HMCN1: variants seen among roughly 807,000 people sequenced by gnomAD.
The protein encoded by HMCN1 is hemicentin 1, also known as hemicentin-1.
A neutral mutation model predicts 625.9 loss-of-function variants in HMCN1; 321 were observed. The observed-to-expected ratio is 0.51, with a 90% CI of 0.47 to 0.56. The LOEUF (loss-of-function observed/expected upper bound fraction) is 0.56. HMCN1 is among the 20% of genes least tolerant of loss of function. The probability of loss-of-function intolerance (pLI) is 0.00; values close to 1 mark genes in which losing one functional copy is unlikely to be tolerated. For missense variants in HMCN1, 6,588 were observed against 6,887.3 expected, an observed-to-expected ratio of 0.96 and a Z score of 1.54; for synonymous variants, 2,425 against 2,417.6, an observed-to-expected ratio of 1.00 and a Z score of -0.09.
Position 185,857,406 on chromosome 1 carries a change from T to C in HMCN1, c.340-7064T>C, listed in dbSNP as rs550258628. Among the ~76,000 whole-genome samples the C allele has an allele frequency of 2.6e-5, 4 of 152,314 alleles. No homozygotes were observed. The South Asian group carries it at 6.2e-4, about 24-fold the overall frequency. On this transcript the variant is annotated intron_variant, in intron 2 of 106. Coordinates refer to ENST00000271588, the MANE Select transcript of HMCN1 (RefSeq NM_031935.3). ...ACAAACTCAGACCCTTTCTAAAATG[T>C]ATTTAGGGAGCTGTCTAATTCTATG... is the stretch of plus-strand genomic sequence containing the variant.
chr1:186,033,339 C>T (rs1338972213), intron 36 of HMCN1, among the ~76,000 whole-genome samples: 1 of 152,104 alleles, frequency 6.6e-6, no homozygotes, highest in Non-Finnish European at 1.5e-5. Context: ...ATATTGGGTA[C>T]AGCATATACT....
At position 186,079,743 on chromosome 1, in the gene HMCN1, A is replaced by T. The variant is rs188619841; in HGVS notation, c.8600-1464A>T. Among the ~76,000 whole-genome samples the T allele has an allele frequency of 4.9e-3, 744 of 152,302 alleles. 8 individuals carry two copies. The highest frequency in any genetic ancestry group is 5.6e-3 in the Non-Finnish European group (379 of 68,030). Reference sequence around the variant, plus strand: ...TATGGGATTGGATGGTCAAGGGTAGATGTTCATGCCTCAGGCTGTTATTTT... The same window carrying T: ...TATGGGATTGGATGGTCAAGGGTAGTTGTTCATGCCTCAGGCTGTTATTTT... On this transcript the variant is annotated intron_variant, in intron 55 of 106. Coordinates refer to ENST00000271588, the MANE Select transcript of HMCN1 (RefSeq NM_031935.3).
chr1:185,820,388 C>T (rs1034926608), intron 1 of HMCN1, among the ~76,000 whole-genome samples: 5 of 152,008 alleles, frequency 3.3e-5, no homozygotes, highest in Non-Finnish European at 5.9e-5. Flanking sequence ...TTACCTAAGG[C>T]GTTCCTCATT....
At chr1:186,177,525 G>T (rs1652674354) in intron 103 of HMCN1, among the ~76,000 whole-genome samples, 1 of 152,128 alleles carries the variant, frequency 6.6e-6, no homozygotes, top group Non-Finnish European at 1.5e-5. Context: ...AAGGTCTTGG[G>T]CAGACAAGCA....
At chr1:185,782,650 TC>T (rs1420367786) in intron 1 of HMCN1, among the ~76,000 whole-genome samples, 1 of 152,232 alleles carries the variant, frequency 6.6e-6, no homozygotes, top group East Asian at 1.9e-4. Flanking sequence ...AAAATTCTTT[TC>T]TTTAAGAATG....
intron 14 of HMCN1, among the ~76,000 whole-genome samples, chr1:185,967,898 C>T (rs1650534887): frequency 6.6e-6 from 1 of 152,084 alleles, no homozygotes; most frequent in East Asian, 1.9e-4. Context: ...AACTGTATTC[C>T]ATTCAGACCA....
Position 186,048,792 on chromosome 1 carries a change from C to T in HMCN1, c.6530C>T (p.Thr2177Ile), listed in dbSNP as rs1437576074. 6.2e-7 allele frequency: 1 copy of T among 1,611,940 alleles called. No individual in the cohort carries two copies. The highest frequency in any genetic ancestry group is 1.7e-5 in the Admixed American group (1 of 59,934). Residue 2177 changes from threonine to isoleucine, a missense_variant, in exon 42 of 107, where the codon ACA becomes ATA. This residue lies in a region of HMCN1 where 4,628 missense variants were observed against 4,853.1 expected (regional missense o/e 0.95). Coordinates refer to ENST00000271588, the MANE Select transcript of HMCN1 (RefSeq NM_031935.3). ...ACTGGTCGTTACACTTGTGAAGCAACAAATGTTGCTGGAAAAACTGAAAAA... is the reference window on the plus strand; with the variant it reads ...ACTGGTCGTTACACTTGTGAAGCAATAAATGTTGCTGGAAAAACTGAAAAA... ...QDTGRYTCEA[T>I]NVAGKTEKNY...
intron 9 of HMCN1, among the ~76,000 whole-genome samples, chr1:185,926,218 C>T (rs1343436958): frequency 1.3e-5 from 2 of 152,158 alleles, no homozygotes; most frequent in African/African-American, 4.8e-5. Context: ...TCAATATCAA[C>T]ATAACTTCCA....
chr1:186,146,322 G>A (rs1301235241), intron 93 of HMCN1, among the ~76,000 whole-genome samples: 1 of 152,218 alleles, frequency 6.6e-6, no homozygotes, highest in East Asian at 1.9e-4. Context: ...AATCAGTTCA[G>A]TCTGAGGAGA....
At chr1:186,171,229 GAGA>G in intron 100 of HMCN1, 105 bp from the exon 101 acceptor site, 1 of 815,330 alleles carries the variant, frequency 1.2e-6, no homozygotes, top group Non-Finnish European at 2.1e-6. Context: ...ATAGGTTTTA[GAGA>G]AGATCTTAAA....
chr1:185,960,650 T>C (rs1649947829), intron 11 of HMCN1, among the ~76,000 whole-genome samples: 1 of 152,236 alleles, frequency 6.6e-6, no homozygotes, highest in South Asian at 2.1e-4. Context: ...GTGGGATTCT[T>C]GCTGGGAGAG....
chr1:185,750,618 A>T (rs1459049276), intron 1 of HMCN1, among the ~76,000 whole-genome samples: 1 of 152,122 alleles, frequency 6.6e-6, no homozygotes, highest in Non-Finnish European at 1.5e-5. Context: ...GCTTGGCATT[A>T]ATAATACTGT....
chr1:185,754,847 CA>C, intron 1 of HMCN1, among the ~76,000 whole-genome samples: 1 of 151,792 alleles, frequency 6.6e-6, no homozygotes, highest in East Asian at 1.9e-4. Flanking sequence ...GACCCTGTCT[CA>C]AAAAAATAAT....
chr1:185,801,040 T>G (rs1365757599), intron 1 of HMCN1, among the ~76,000 whole-genome samples: 2 of 152,112 alleles, frequency 1.3e-5, no homozygotes, highest in Admixed American at 1.3e-4. Flanking sequence ...AAACAAAACT[T>G]TGACAATGAA....
chr1:185,993,535 A>G (rs746729963), intron 23 of HMCN1: 5 of 470,804 alleles, frequency 1.1e-5, no homozygotes, highest in Non-Finnish European at 1.9e-5. Context: ...ACTATGTTAA[A>G]TTTTTGGATC....
At chr1:186,038,156 G>T in intron 37 of HMCN1, 121 bp downstream of exon 37, 1 of 700,382 alleles carries the variant, frequency 1.4e-6, no homozygotes, top group South Asian at 1.6e-5. Flanking sequence ...ACATTTCATG[G>T]GTGAAACATT....
chr1:186,071,126 C>G (rs1658456115), intron 52 of HMCN1, among the ~76,000 whole-genome samples: 1 of 152,084 alleles, frequency 6.6e-6, no homozygotes, highest in African/African-American at 2.4e-5. Flanking sequence ...TGTTATTTTG[C>G]AGTTTTACAG....
intron 1 of HMCN1, among the ~76,000 whole-genome samples, chr1:185,743,865 T>C (rs1161274382): frequency 6.6e-6 from 1 of 151,554 alleles, no homozygotes; most frequent in African/African-American, 2.4e-5. Context: ...TATTTGTCTA[T>C]AAACATTGAA....
chr1:186,108,418 T>TTG, intron 70 of HMCN1, 43 bp from the exon 71 acceptor site: 1 of 1,614,000 alleles, frequency 6.2e-7, no homozygotes, highest in South Asian at 1.1e-5. Flanking sequence ...TGGATACCTA[T>TTG]GATAATACAG....
Sources: gnomAD v4.1 joint callset for allele counts (sites outside exome capture counted in the v4.1 genomes callset) on GRCh38, gnomAD v4.1.1 for gene constraint, gnomAD v4.1.1 regional missense constraint, MANE v1.5 for transcripts, NCBI Gene and HGNC (gene_info 2026-07-23, HGNC 2026-07-21) for gene names.